The following CYTH1 variants were observed in gnomAD, a reference collection of about 807,000 sequenced individuals.
The protein encoded by CYTH1 is cytohesin-1.
A neutral mutation model predicts 61.8 loss-of-function variants in CYTH1; 18 were observed. The observed-to-expected ratio is 0.29, with a 90% CI of 0.20 to 0.43. The LOEUF (loss-of-function observed/expected upper bound fraction) is 0.43. Among genes scored for constraint, CYTH1 ranks in the 20% least tolerant of loss-of-function variants. CYTH1 has a pLI of 1.00. For synonymous variants in CYTH1, 174 were observed against 184.3 expected, an observed-to-expected ratio of 0.94 and a Z score of 0.45; for missense variants, 336 against 510.5, an observed-to-expected ratio of 0.66 and a Z score of 3.29.
chr17:78,693,036 CCTT>C (rs2092904451), intron 10 of CYTH1, among the ~76,000 whole-genome samples: 1 of 152,126 alleles, frequency 6.6e-6, no homozygotes, highest in Admixed American at 6.5e-5. Flanking sequence ...CTCTTCTTCA[CCTT>C]CATGATTACA....
intron 1 of CYTH1, among the ~76,000 whole-genome samples, chr17:78,741,000 T>C (rs914124556): frequency 1.3e-5 from 2 of 152,124 alleles, no homozygotes; most frequent in African/African-American, 4.8e-5. Context: ...TCTGAACAAA[T>C]GATATCGGAA....
intron 1 of CYTH1, among the ~76,000 whole-genome samples, chr17:78,761,997 A>G (rs1336866149): frequency 1.3e-5 from 2 of 152,176 alleles, no homozygotes; most frequent in East Asian, 1.9e-4. Context: ...TCCTCCATAC[A>G]ATGAGGTGTC....
Position 78,700,125 on chromosome 17 carries a change from G to T in CYTH1, c.550+206C>A, listed in dbSNP as rs1369825845. The stretch of plus-strand genomic sequence containing the variant: ...ATGGTTTTTAATAGCTGTGTATTTC[G>T]TAGTTCAGAGGTACCACAATTTAAA... On this transcript the variant is annotated intron_variant, in intron 7 of 13. Coordinates refer to ENST00000446868, the MANE Select transcript of CYTH1 (RefSeq NM_004762.6). The surrounding 1 kb of genome is among the most constrained non-coding windows in gnomAD (Gnocchi z 5.1). Among the ~76,000 whole-genome samples, 1 of 152,132 alleles carries T rather than the reference G, an allele frequency of 6.6e-6. No individual in the cohort carries two copies. Among genetic ancestry groups the T allele is most frequent in the African/African-American group, 2.4e-5 (1 of 41,408 alleles).
At chr17:78,760,380 T>C (rs866589106) in intron 1 of CYTH1, among the ~76,000 whole-genome samples, 20 of 55,106 alleles carry the variant, frequency 3.6e-4, no homozygotes, top group South Asian at 1.2e-3. Flanking sequence ...TATATATATA[T>C]ATATACACAC....
At chr17:78,722,420 C>G (rs1376883412) in intron 1 of CYTH1, among the ~76,000 whole-genome samples, 1 of 152,168 alleles carries the variant, frequency 6.6e-6, no homozygotes, top group African/African-American at 2.4e-5. Flanking sequence ...GTGGCCTGCT[C>G]CTTCACTCCC....
intron 1 of CYTH1, among the ~76,000 whole-genome samples, chr17:78,750,332 G>A (rs1374649124): frequency 2.0e-5 from 3 of 152,166 alleles, no homozygotes; most frequent in African/African-American, 7.2e-5. Flanking sequence ...CTCAGGTGGG[G>A]TGAATAAAGA....
chr17:78,761,505 G>A (rs901240717), intron 1 of CYTH1, among the ~76,000 whole-genome samples: 11 of 152,202 alleles, frequency 7.2e-5, no homozygotes, highest in African/African-American at 9.6e-5. Context: ...TTGGGAGGCC[G>A]AGGCGGGCGG....
intron 1 of CYTH1, among the ~76,000 whole-genome samples, chr17:78,763,653 G>A (rs907345410): frequency 1.3e-5 from 2 of 152,110 alleles, no homozygotes; most frequent in African/African-American, 4.8e-5. Flanking sequence ...TGTAATAAGA[G>A]TTACGTGAAT....
chr17:78,709,512 C>A (rs747560578), intron 2 of CYTH1, 138 bp downstream of exon 2: 173 of 775,462 alleles, frequency 2.2e-4, no homozygotes, highest in Non-Finnish European at 3.4e-4. Context: ...ATTATCAACA[C>A]CTACGCTTTG....
intron 3 of CYTH1, among the ~76,000 whole-genome samples, chr17:78,707,970 C>T (rs558003824): frequency 1.1e-4 from 17 of 152,242 alleles, no homozygotes; most frequent in African/African-American, 1.7e-4. Context: ...TGAGCCACCG[C>T]GCCCGGCCTC....
At chr17:78,763,664 G>A (rs547894955) in intron 1 of CYTH1, among the ~76,000 whole-genome samples, 2 of 152,166 alleles carry the variant, frequency 1.3e-5, no homozygotes, top group African/African-American at 4.8e-5. Context: ...TTACGTGAAT[G>A]TAGTCTCTCA....
At chr17:78,768,795 C>T (rs1406023072) in intron 1 of CYTH1, among the ~76,000 whole-genome samples, 1 of 152,084 alleles carries the variant, frequency 6.6e-6, no homozygotes, top group African/African-American at 2.4e-5. Flanking sequence ...TCTGCTTCTC[C>T]CTCTCCTTGC....
At position 78,717,723 on chromosome 17, in the gene CYTH1, C is replaced by T. The variant is rs1294380631; in HGVS notation, c.23-7991G>A. On this transcript the variant is annotated intron_variant, in intron 1 of 13. Coordinates refer to ENST00000446868, the MANE Select transcript of CYTH1 (RefSeq NM_004762.6). This position sits in a 1 kb window ranked among gnomAD's most constrained non-coding sequence, Gnocchi z 4.4. ...ATATGCCATAAAGTTCCACGGAAAA[C>T]GCAGCTCTCTGACAGCAGGTTCTGC... 6.6e-6 allele frequency among the ~76,000 whole-genome samples: 1 copy of T among 152,114 alleles called. No individual in the cohort carries two copies.
intron 13 of CYTH1, among the ~76,000 whole-genome samples, chr17:78,678,753 G>A (rs2092727564): frequency 1.3e-5 from 2 of 152,168 alleles, no homozygotes; most frequent in East Asian, 1.9e-4. Context: ...TGGCTGTCAT[G>A]CCAGGGAAGC....
At chr17:78,733,438 C>A (rs1045091251) in intron 1 of CYTH1, among the ~76,000 whole-genome samples, 2 of 152,200 alleles carry the variant, frequency 1.3e-5, no homozygotes, top group African/African-American at 2.4e-5. Context: ...TTCCGGTCAC[C>A]GGCTGCATCC....
chr17:78,717,388 A>T lies in CYTH1; in HGVS notation c.23-7656T>A, dbSNP rs1470669431. ...ATCAGCCCCATCACCATTCCTTTCCAGGGTTCCAATTTAATGAAGAGGATT... is the reference window on the plus strand; with the variant it reads ...ATCAGCCCCATCACCATTCCTTTCCTGGGTTCCAATTTAATGAAGAGGATT... On this transcript the variant is annotated intron_variant, in intron 1 of 13. Transcript: ENST00000446868. This position sits in a 1 kb window ranked among gnomAD's most constrained non-coding sequence, Gnocchi z 4.4. Among the ~76,000 whole-genome samples, 1 of 152,190 alleles carries T rather than the reference A, an allele frequency of 6.6e-6. No homozygotes were observed. The highest frequency in any genetic ancestry group is 2.4e-5 in the African/African-American group (1 of 41,444).
intron 1 of CYTH1, among the ~76,000 whole-genome samples, chr17:78,780,657 G>A (rs918630142): frequency 4.6e-5 from 7 of 152,180 alleles, no homozygotes; most frequent in African/African-American, 1.7e-4. Flanking sequence ...GACTGCTTGG[G>A]TCTAGGAGTT....
intron 6 of CYTH1, 95 bp downstream of exon 6, chr17:78,701,576 A>G (rs2093009261): frequency 8.9e-7 from 1 of 1,124,812 alleles, no homozygotes; most frequent in Non-Finnish European, 1.3e-6. Context: ...TCATACCCAA[A>G]GATATAATTT....
Position 78,709,541 on chromosome 17 carries a change from G to A in CYTH1, c.105+109C>T. 3 of 1,047,800 alleles carry A rather than the reference G, an allele frequency of 2.9e-6. No individual in the cohort carries two copies. In the South Asian group the frequency reaches 4.1e-5, roughly 14 times the overall value. 64.9% of individuals were successfully genotyped at this position (1,047,800 alleles called of 1,614,324 possible). ...CGCTTTGTGCAGAGCTGTAGTGAGG[G>A]CAGGTCAAAAGTGTCTTGAGGAGAC... On this transcript the variant is annotated intron_variant, in intron 2 of 13. Coordinates refer to ENST00000446868, the MANE Select transcript of CYTH1 (RefSeq NM_004762.6).
Sources: gnomAD v4.1 joint callset for allele counts (sites outside exome capture counted in the v4.1 genomes callset) on GRCh38, gnomAD v4.1.1 for gene constraint, Gnocchi (gnomAD v3.1) non-coding constraint, MANE v1.5 for transcripts, NCBI Gene and HGNC (gene_info 2026-07-23, HGNC 2026-07-21) for gene names.